The following CARMIL1 variants were observed in gnomAD, a reference collection of about 807,000 sequenced individuals.
CARMIL1 encodes capping protein regulator and myosin 1 linker 1.
A neutral mutation model predicts 177.1 loss-of-function variants in CARMIL1; 90 were observed. The observed-to-expected ratio is 0.51, with a 90% CI of 0.43 to 0.61. CARMIL1 has a LOEUF of 0.61. CARMIL1 is among the 20% of genes least tolerant of loss of function. The probability of loss-of-function intolerance (pLI) is 0.00; values close to 1 mark genes in which losing one functional copy is unlikely to be tolerated. For missense variants in CARMIL1, 1,380 were observed against 1,667.0 expected (o/e 0.83, Z 3.00); for synonymous variants, 577 against 606.2 (o/e 0.95, Z 0.71).
intron 2 of CARMIL1, among the ~76,000 whole-genome samples, chr6:25,366,932 C>T (rs953200423): frequency 6.6e-6 from 1 of 152,152 alleles, no homozygotes; most frequent in Non-Finnish European, 1.5e-5. Context: ...ATCTAGGTAA[C>T]TGAACCTTGT....
intron 2 of CARMIL1, among the ~76,000 whole-genome samples, chr6:25,293,305 T>TGTGTGTGTGTGTG (rs1782132266): frequency 7.5e-5 from 11 of 147,100 alleles, no homozygotes; most frequent in South Asian, 6.6e-4. Flanking sequence ...TGTGTGTGTG[T>TGTGTGTGTGTGTG]TTTGTAGCAG....
At chr6:25,557,189 AATAT>A in intron 29 of CARMIL1, among the ~76,000 whole-genome samples, 1 of 152,304 alleles carries the variant, frequency 6.6e-6, no homozygotes, top group African/African-American at 2.4e-5. Context: ...TCAAATAAAA[AATAT>A]ATATAGGGTG....
rs182736190 is a variant in CARMIL1 at position 25,556,565 on chromosome 6, G to A, written c.2593-136G>A. 2,636 of 658,836 alleles carry A rather than the reference G, an allele frequency of 4.0e-3. 8 individuals are homozygous for A. Among genetic ancestry groups the A allele is most frequent in the Non-Finnish European group, 5.2e-3 (2,029 of 392,006 alleles). 40.8% of individuals were successfully genotyped at this position (658,836 alleles called of 1,614,324 possible). A position where few individuals can be genotyped will look rare whatever the true frequency, so the allele number is the denominator to read the frequency against. ...GGAGGTAAGTTACTGTACTGTGAATGTATTAAGAATTGTCCTTGTCACTCG... is the reference window on the plus strand; with the variant it reads ...GGAGGTAAGTTACTGTACTGTGAATATATTAAGAATTGTCCTTGTCACTCG... On this transcript the variant is annotated intron_variant, in intron 28 of 36. Coordinates refer to ENST00000329474, the MANE Select transcript of CARMIL1 (RefSeq NM_017640.6).
chr6:25,593,593 G>A (rs2151290420), intron 31 of CARMIL1, among the ~76,000 whole-genome samples: 1 of 152,260 alleles, frequency 6.6e-6, no homozygotes, highest in Admixed American at 6.5e-5. Context: ...CAGGATCCAG[G>A]CGTGGCTTAT....
intron 2 of CARMIL1, among the ~76,000 whole-genome samples, chr6:25,345,383 A>G (rs1019437186): frequency 2.0e-5 from 3 of 152,088 alleles, no homozygotes; most frequent in African/African-American, 7.2e-5. Flanking sequence ...AGTGCTTTAA[A>G]TATCACCTGT....
chr6:25,441,337 A>ATATATATATATGTG, intron 5 of CARMIL1, among the ~76,000 whole-genome samples: 75 of 94,518 alleles, frequency 7.9e-4, no homozygotes, highest in East Asian at 1.4e-3. Flanking sequence ...ATATATATAT[A>ATATATATATATGTG]TGTGTGTGTG....
chr6:25,459,957 CA>C (rs1799990700), intron 8 of CARMIL1, among the ~76,000 whole-genome samples: 1 of 152,166 alleles, frequency 6.6e-6, no homozygotes, highest in Admixed American at 6.5e-5. Flanking sequence ...AAGCAAAACA[CA>C]GTGGGGGATG....
At chr6:25,533,841 C>T (rs1808009123) in intron 24 of CARMIL1, among the ~76,000 whole-genome samples, 1 of 152,138 alleles carries the variant, frequency 6.6e-6, no homozygotes, top group African/African-American at 2.4e-5. Flanking sequence ...GTCCTATCTT[C>T]CCAATTATTT....
At chr6:25,483,681 CAAAA>C (rs11452946) in intron 12 of CARMIL1, among the ~76,000 whole-genome samples, 3 of 90,478 alleles carry the variant, frequency 3.3e-5, no homozygotes. Flanking sequence ...ATCTCTGTCT[CAAAA>C]AAAAAAAAAA....
intron 13 of CARMIL1, 100 bp downstream of exon 13, chr6:25,488,685 C>G (rs755476133): frequency 6.5e-5 from 61 of 940,824 alleles, no homozygotes; most frequent in Non-Finnish European, 1.0e-4. Flanking sequence ...CTGCCTCTCT[C>G]TTTGTCATGA....
intron 2 of CARMIL1, among the ~76,000 whole-genome samples, chr6:25,400,847 C>T (rs75078685): frequency 0.041 from 6,313 of 152,230 alleles, 194 homozygotes; most frequent in Non-Finnish European, 0.059. Context: ...TATATAAAGC[C>T]TCTGCCTATT....
intron 36 of CARMIL1, 91 bp from the exon 37 acceptor site, chr6:25,619,356 A>G: frequency 7.3e-7 from 1 of 1,364,556 alleles, no homozygotes; most frequent in Non-Finnish European, 9.9e-7. Context: ...CCTCCCCCAA[A>G]CCTTCAAGGC....
chr6:25,467,610 C>G (rs1193683939), intron 9 of CARMIL1, among the ~76,000 whole-genome samples: 2 of 152,070 alleles, frequency 1.3e-5, no homozygotes, highest in Non-Finnish European at 2.9e-5. Context: ...TTTCAGCTGC[C>G]TTAGATGTTT....
intron 5 of CARMIL1, among the ~76,000 whole-genome samples, chr6:25,436,670 C>G (rs1341493086): frequency 1.3e-5 from 2 of 152,236 alleles, no homozygotes; most frequent in African/African-American, 4.8e-5. Context: ...GCAGGGCTCT[C>G]TCCCTTCCCC....
rs1057468868 is a variant in CARMIL1 at position 25,573,328 on chromosome 6, T to C, written c.2743-7596T>C. On this transcript the variant is annotated intron_variant, in intron 29 of 36. Transcript: ENST00000329474. ...TTTCATTTCATTAAAATGAAAAAAA[T>C]TACTTTTCATGTTAAAGGATGCTAT... Among the ~76,000 whole-genome samples the C allele has an allele frequency of 5.9e-5, 9 of 152,222 alleles. No homozygotes were observed. The East Asian group carries it at 1.4e-3, about 23-fold the overall frequency.
chr6:25,280,445 A>G (rs1780991655), intron 1 of CARMIL1, among the ~76,000 whole-genome samples: 1 of 151,962 alleles, frequency 6.6e-6, no homozygotes, highest in African/African-American at 2.4e-5. Flanking sequence ...GCTGACGCAG[A>G]CTCAGGCCAG....
intron 2 of CARMIL1, among the ~76,000 whole-genome samples, chr6:25,359,073 T>G (rs1788919316): frequency 6.6e-6 from 1 of 152,234 alleles, no homozygotes; most frequent in Non-Finnish European, 1.5e-5. Flanking sequence ...GTCTTTTTTC[T>G]GCCAAGATGG....
Position 25,600,421 on chromosome 6 carries a change from CCCGGTCCAAAT to C in CARMIL1, c.3231_3241del (p.Ser1078AlafsTer40), listed in dbSNP as rs1320682647. ...AGTGGCTTTCTCAATTTAATCAAAT[CCCGGTCCAAAT>C]CCGAGCGACCACCAACGATCTTGAT... On this transcript the variant is annotated frameshift_variant, in exon 33 of 37. Transcript: ENST00000329474. LOFTEE classifies it high-confidence loss of function. 6.2e-7 allele frequency: 1 copy of C among 1,613,824 alleles called. No individual in the cohort carries two copies. The highest frequency in any genetic ancestry group is 1.3e-5 in the African/African-American group (1 of 74,880).
intron 2 of CARMIL1, among the ~76,000 whole-genome samples, chr6:25,292,458 GAACCGAACAC>G (rs1264813722): frequency 6.6e-6 from 1 of 152,216 alleles, no homozygotes; most frequent in Non-Finnish European, 1.5e-5. Context: ...CAATTTACCT[GAACCGAACAC>G]TGGAGTCAGT....
Sources: allele counts gnomAD v4.1 joint callset (sites outside exome capture counted in the v4.1 genomes callset), GRCh38; gene constraint gnomAD v4.1.1; transcripts MANE v1.5; gene names NCBI Gene and HGNC (gene_info 2026-07-23, HGNC 2026-07-21).